Variants in RASGRF2 observed in about 807,000 individuals in gnomAD.
RASGRF2 encodes the protein Ras protein specific guanine nucleotide releasing factor 2.
Under a neutral mutation model 151.0 loss-of-function variants are expected in RASGRF2, and 76 were observed. The observed-to-expected ratio is 0.50, with a 90% CI of 0.42 to 0.61. The LOEUF is 0.61. Ranked by LOEUF, RASGRF2 falls within the 20% of genes least tolerant of loss-of-function variation. The probability of loss-of-function intolerance (pLI) is 0.00; values close to 1 mark genes in which losing one functional copy is unlikely to be tolerated. For missense variants in RASGRF2, 1,148 were observed against 1,564.6 expected (o/e 0.73, Z 4.49); for synonymous variants, 504 against 566.5 (o/e 0.89, Z 1.57).
At chr5:81,155,372 CA>C (rs1754236271) in intron 17 of RASGRF2, among the ~76,000 whole-genome samples, 1 of 151,828 alleles carries the variant, frequency 6.6e-6, no homozygotes, top group Admixed American at 6.6e-5. Context: ...AAATAGAAAA[CA>C]GGAAAAAACA....
rs750987618 is a variant in RASGRF2, at chr5:81,217,347, G to T, written c.3435-9G>T. 35 of 1,596,890 alleles carry T rather than the reference G, an allele frequency of 2.2e-5. No individual in the cohort carries two copies. Among genetic ancestry groups the T allele is most frequent in the Middle Eastern group, 1.7e-4 (1 of 6,004 alleles). ...ATGAGTCTCAGAACAGTGCCTCTTG[G>T]TCTTGCAGTTGTAACCCTCCTGCAG... On this transcript the variant is annotated splice_polypyrimidine_tract_variant and intron_variant, in intron 24 of 26. Coordinates refer to ENST00000265080, the MANE Select transcript of RASGRF2 (RefSeq NM_006909.3).
intron 13 of RASGRF2, among the ~76,000 whole-genome samples, chr5:81,109,664 TA>T (rs78921156): frequency 8.7e-5 from 13 of 149,806 alleles, no homozygotes; most frequent in South Asian, 2.1e-4. Context: ...AGACTCCATT[TA>T]AAAAAAAAAT....
Position 80,960,619 on chromosome 5 carries a change from A to T in RASGRF2, c.-120A>T. ...GGTGCCCTGCGCGCGGCGTGGGGAA[A>T]GGGGGCGCCCTTCGCCGGCCGGGAC... On this transcript the variant is annotated 5_prime_UTR_variant, in exon 1 of 27. The change creates a new upstream start codon in the 5' untranslated region. Coordinates refer to ENST00000265080, the MANE Select transcript of RASGRF2 (RefSeq NM_006909.3). The surrounding 1 kb of genome is among the most constrained non-coding windows in gnomAD (Gnocchi z 5.5). 3.0e-6 allele frequency: 3 copies of T among 997,078 alleles called. No homozygotes were observed. Among genetic ancestry groups the T allele is most frequent in the Non-Finnish European group, 3.9e-6 (3 of 774,570 alleles). 61.8% of individuals were successfully genotyped at this position (997,078 alleles called of 1,614,324 possible).
chr5:81,047,900 A>G (rs1382363724), intron 2 of RASGRF2, among the ~76,000 whole-genome samples: 1 of 152,190 alleles, frequency 6.6e-6, no homozygotes, highest in Non-Finnish European at 1.5e-5. Context: ...GCACACACAC[A>G]CAGTGTGGTA....
At chr5:81,049,826 C>T (rs947086116) in intron 2 of RASGRF2, among the ~76,000 whole-genome samples, 1 of 152,156 alleles carries the variant, frequency 6.6e-6, no homozygotes, top group Non-Finnish European at 1.5e-5. Flanking sequence ...ACTCCAAAAC[C>T]TATGCACTTA....
intron 2 of RASGRF2, among the ~76,000 whole-genome samples, chr5:81,053,462 T>C (rs1275318660): frequency 6.6e-6 from 1 of 152,104 alleles, no homozygotes; most frequent in African/African-American, 2.4e-5. Flanking sequence ...AACTCATCCT[T>C]TTTTATGGCT....
intron 12 of RASGRF2, chr5:81,096,095 A>T (rs1752539174): frequency 6.6e-6 from 1 of 152,158 alleles, no homozygotes; most frequent in African/African-American, 2.4e-5. Context: ...AGCGCTCTAA[A>T]CATCCTCTAC....
At position 81,171,549 on chromosome 5, in the gene RASGRF2, T is replaced by TTGTGTG. The variant is rs57890623; in HGVS notation, c.2687-8608_2687-8603dup. ...AATTCAAAGTGTGTTCCTTTTGTGT[T>TTGTGTG]TGTGTGTGTGTGTGTGTGTGTGTAT... is the stretch of plus-strand genomic sequence containing the variant. On this transcript the variant is annotated intron_variant, in intron 17 of 26. Transcript: ENST00000265080. Among the ~76,000 whole-genome samples, 455 of 150,622 alleles carry TTGTGTG rather than the reference T, an allele frequency of 3.0e-3. 5 individuals are homozygous for TTGTGTG. The highest frequency in any genetic ancestry group is 0.01 in the African/African-American group (426 of 41,070).
chr5:81,121,347 T>C lies in RASGRF2; in HGVS notation c.2471-2295T>C, dbSNP rs1242030761. On this transcript the variant is annotated intron_variant, in intron 15 of 26. Coordinates refer to ENST00000265080, the MANE Select transcript of RASGRF2 (RefSeq NM_006909.3). ...TACAACCCCACACCACCTCATTGTA[T>C]AATATCAGTTTTGCCAATTAGGTCC... 2.0e-5 allele frequency among the ~76,000 whole-genome samples: 3 copies of C among 152,222 alleles called. No homozygotes were observed. The East Asian group carries it at 5.8e-4, about 29-fold the overall frequency.
chr5:80,972,692 C>G (rs964492096), intron 1 of RASGRF2, among the ~76,000 whole-genome samples: 5 of 152,036 alleles, frequency 3.3e-5, no homozygotes, highest in African/African-American at 1.2e-4. Context: ...GTTGGCCAGG[C>G]TGGTCTTGAA....
chr5:81,037,951 A>G (rs1021677200), intron 1 of RASGRF2, among the ~76,000 whole-genome samples: 1 of 152,154 alleles, frequency 6.6e-6, no homozygotes, highest in Non-Finnish European at 1.5e-5. Flanking sequence ...CTTGATATGC[A>G]TAGTTTTAAG....
intron 17 of RASGRF2, among the ~76,000 whole-genome samples, chr5:81,177,310 T>C (rs1754797508): frequency 6.6e-6 from 1 of 152,108 alleles, no homozygotes; most frequent in South Asian, 2.1e-4. Context: ...ATCATCACCA[T>C]CCTCTGACAG....
rs1307936689 is a variant in RASGRF2, at chr5:81,227,179, T to G, written c.*1409T>G. 3 of 152,372 alleles carry G rather than the reference T, an allele frequency of 2.0e-5. No individual in the cohort carries two copies. The highest frequency in any genetic ancestry group is 4.4e-5 in the Non-Finnish European group (3 of 68,040). 9.4% of individuals were successfully genotyped at this position (152,372 alleles called of 1,614,324 possible). ...TGAAAAATGGATCTGTCTGGCTGCT[T>G]TCCCTCTTTCCTTGCACTTTAATTA... On this transcript the variant is annotated 3_prime_UTR_variant, in exon 27 of 27. Transcript: ENST00000265080.
chr5:81,160,897 A>C (rs572234106), intron 17 of RASGRF2, among the ~76,000 whole-genome samples: 50 of 152,092 alleles, frequency 3.3e-4, no homozygotes, highest in Non-Finnish European at 6.2e-4. Context: ...AGCAACAACA[A>C]ACTCTGAAGC....
intron 17 of RASGRF2, among the ~76,000 whole-genome samples, chr5:81,172,299 TTTAA>T (rs1285170528): frequency 3.3e-5 from 5 of 152,248 alleles, no homozygotes; most frequent in African/African-American, 9.6e-5. Flanking sequence ...ATGAGAACAA[TTTAA>T]TTGACAGTTT....
chr5:81,198,613 A>G (rs1305381238), intron 18 of RASGRF2, among the ~76,000 whole-genome samples: 2 of 151,948 alleles, frequency 1.3e-5, no homozygotes, highest in East Asian at 1.9e-4. Context: ...CAAATTTTTT[A>G]TATTTTTAGT....
At chr5:81,100,286 T>C (rs72771108) in intron 12 of RASGRF2, among the ~76,000 whole-genome samples, 1,867 of 152,296 alleles carry the variant, frequency 0.012, 16 homozygotes, top group Middle Eastern at 0.024. Context: ...ATACTAATCA[T>C]AGGTAGCTCT....
chr5:80,972,150 G>C (rs969396562), intron 1 of RASGRF2, among the ~76,000 whole-genome samples: 3 of 152,116 alleles, frequency 2.0e-5, no homozygotes, highest in Non-Finnish European at 2.9e-5. Context: ...GAAAAGTCTT[G>C]TACAAGCCTT....
At chr5:81,193,339 T>C (rs997358749) in intron 18 of RASGRF2, among the ~76,000 whole-genome samples, 10 of 152,216 alleles carry the variant, frequency 6.6e-5, no homozygotes, top group Non-Finnish European at 1.0e-4. Flanking sequence ...GTGTATGATC[T>C]AGCCTCATTA....
Sources: gnomAD v4.1 joint callset for allele counts (sites outside exome capture counted in the v4.1 genomes callset) on GRCh38, gnomAD v4.1.1 for gene constraint, Gnocchi (gnomAD v3.1) non-coding constraint, MANE v1.5 for transcripts, NCBI Gene and HGNC (gene_info 2026-07-23, HGNC 2026-07-21) for gene names.